LYPLA1: variants seen among roughly 807,000 people sequenced by gnomAD.
LYPLA1 encodes the protein acyl-protein thioesterase 1.
A neutral mutation model predicts 34.0 loss-of-function variants in LYPLA1; 17 were observed. The observed-to-expected ratio is 0.50, with a 90% confidence interval of 0.34 to 0.75. LYPLA1 has a LOEUF of 0.75. LYPLA1 is among the 30% of genes least tolerant of loss of function. The pLI, the probability that LYPLA1 is intolerant of heterozygous loss-of-function variation, is 0.01. For missense variants in LYPLA1, 203 were observed against 288.8 expected (o/e 0.70, Z 2.15); for synonymous variants, 98 against 100.8 (o/e 0.97, Z 0.17).
intron 2 of LYPLA1, among the ~76,000 whole-genome samples, chr8:54,084,133 A>AAAAAAAAAAAAAAATTTTTAT (rs1373090573): frequency 2.2e-4 from 26 of 120,460 alleles, no homozygotes; most frequent in Admixed American, 6.9e-4. Flanking sequence ...AGAAAAAAAA[A>AAAAAAAAAAAAAAATTTTTAT]ATAAATAAAT....
chr8:54,063,202 G>C, intron 4 of LYPLA1, 126 bp downstream of exon 4: 2 of 598,618 alleles, frequency 3.3e-6, no homozygotes. Flanking sequence ...AATGTAAATA[G>C]AGGTTAACTA....
At chr8:54,077,259 CAT>C (rs1319406937) in intron 2 of LYPLA1, among the ~76,000 whole-genome samples, 1 of 152,044 alleles carries the variant, frequency 6.6e-6, no homozygotes, top group Non-Finnish European at 1.5e-5. Context: ...CCAAATACCA[CAT>C]GTTCTCACTT....
chr8:54,092,230 GGAGAAGGAGAAAGAAGGAA>G (rs1262939911), intron 2 of LYPLA1, among the ~76,000 whole-genome samples: 1 of 150,910 alleles, frequency 6.6e-6, no homozygotes, highest in Non-Finnish European at 1.5e-5. Flanking sequence ...AGGAGGAGGA[GGAGAAGGAGAAAGAAGGAA>G]GAGAAGGAGA....
At chr8:54,076,628 G>T (rs1314820932) in intron 2 of LYPLA1, among the ~76,000 whole-genome samples, 1 of 152,192 alleles carries the variant, frequency 6.6e-6, no homozygotes, top group Non-Finnish European at 1.5e-5. Context: ...GCTCACGCTG[G>T]AAGGTTGTGG....
intron 2 of LYPLA1, among the ~76,000 whole-genome samples, chr8:54,089,235 T>C (rs1809025825): frequency 6.6e-6 from 1 of 152,210 alleles, no homozygotes; most frequent in Non-Finnish European, 1.5e-5. Flanking sequence ...AGTACAGTAG[T>C]TCCCCATCAA....
At position 54,088,247 on chromosome 8, in the gene LYPLA1, T is replaced by C. The variant is rs572742600; in HGVS notation, c.101+12661A>G. On this transcript the variant is annotated intron_variant, in intron 2 of 8. Coordinates refer to ENST00000316963, the MANE Select transcript of LYPLA1 (RefSeq NM_006330.4). ...AGATATTTAAGAATGTTAGCACCTG[T>C]CTTCGAATAAATTTTGCTTTTAAGA... Among the ~76,000 whole-genome samples the C allele has an allele frequency of 2.6e-5, 4 of 152,366 alleles. No homozygotes were observed. The South Asian group carries it at 6.2e-4, about 24-fold the overall frequency.
intron 4 of LYPLA1, 82 bp from the exon 5 acceptor site, chr8:54,062,406 T>C: frequency 1.5e-6 from 1 of 659,034 alleles, no homozygotes; most frequent in Non-Finnish European, 2.5e-6. Context: ...CATGGTAGCT[T>C]GGATTAAAAG....
At chr8:54,071,746 A>C (rs949563055) in intron 2 of LYPLA1, among the ~76,000 whole-genome samples, 2 of 152,230 alleles carry the variant, frequency 1.3e-5, no homozygotes, top group African/African-American at 2.4e-5. Context: ...TGACACAAAC[A>C]AGTGGAAATG....
chr8:54,069,381 T>G (rs1807301781), intron 2 of LYPLA1, among the ~76,000 whole-genome samples: 1 of 152,130 alleles, frequency 6.6e-6, no homozygotes, highest in African/African-American at 2.4e-5. Context: ...TGAACAATTA[T>G]GTATCAACTA....
intron 2 of LYPLA1, among the ~76,000 whole-genome samples, chr8:54,091,472 A>G (rs1353003377): frequency 2.0e-5 from 3 of 151,032 alleles, no homozygotes; most frequent in Non-Finnish European, 4.4e-5. Context: ...GGGCAACAAG[A>G]GCAAAACTGT....
At chr8:54,090,636 C>T (rs191755287) in intron 2 of LYPLA1, among the ~76,000 whole-genome samples, 36 of 152,242 alleles carry the variant, frequency 2.4e-4, no homozygotes, top group East Asian at 1.2e-3. Context: ...GTTGGCACCG[C>T]GGGACCAGAA....
chr8:54,058,344 G>C (rs1019718869), intron 5 of LYPLA1, among the ~76,000 whole-genome samples: 1 of 152,176 alleles, frequency 6.6e-6, no homozygotes, highest in African/African-American at 2.4e-5. Context: ...AGGAGTTTGA[G>C]ACCAGCCTGG....
intron 4 of LYPLA1, among the ~76,000 whole-genome samples, chr8:54,062,967 A>C (rs1806770769): frequency 6.6e-6 from 1 of 152,212 alleles, no homozygotes; most frequent in South Asian, 2.1e-4. Flanking sequence ...GAGGGCTGGA[A>C]GGGAAGCGGT....
At chr8:54,055,005 G>A in intron 6 of LYPLA1, 55 bp downstream of exon 6, 1 of 1,056,336 alleles carries the variant, frequency 9.5e-7, no homozygotes, top group Non-Finnish European at 1.5e-6. Context: ...TTAATGCACA[G>A]ACTTCTAAAT....
intron 7 of LYPLA1, among the ~76,000 whole-genome samples, 175 bp from the exon 8 acceptor site, chr8:54,051,363 G>T (rs570867448): frequency 3.9e-4 from 60 of 152,196 alleles, no homozygotes; most frequent in African/African-American, 1.4e-3. Flanking sequence ...ACTTCTATAG[G>T]ATGTATGATC....
chr8:54,091,229 T>C (rs1035645101), intron 2 of LYPLA1, among the ~76,000 whole-genome samples: 1 of 152,094 alleles, frequency 6.6e-6, no homozygotes, highest in Non-Finnish European at 1.5e-5. Context: ...GGCTCATGCC[T>C]GTAATCCCAG....
chr8:54,079,270 A>G lies in LYPLA1; in HGVS notation c.102-13457T>C, dbSNP rs189121678. Among the ~76,000 whole-genome samples the G allele has an allele frequency of 2.9e-4, 44 of 152,304 alleles. 1 individual carries two copies. In the East Asian group the frequency reaches 7.1e-3, roughly 25 times the overall value. Reference sequence around the variant, plus strand: ...GCTGGGATTACAGACCTAAGCCATCACGCCCGTCCAGTTTTCTGTCTGATA... The same window carrying G: ...GCTGGGATTACAGACCTAAGCCATCGCGCCCGTCCAGTTTTCTGTCTGATA... On this transcript the variant is annotated intron_variant, in intron 2 of 8. Coordinates refer to ENST00000316963, the MANE Select transcript of LYPLA1 (RefSeq NM_006330.4).
At chr8:54,063,459 C>T in intron 3 of LYPLA1, 84 bp from the exon 4 acceptor site, 2 of 807,080 alleles carry the variant, frequency 2.5e-6, no homozygotes, top group Non-Finnish European at 4.0e-6. Context: ...CAGATAATTG[C>T]TTGAGACCTA....
chr8:54,062,199 T>C (rs1586098371), intron 5 of LYPLA1, 55 bp downstream of exon 5: 8 of 1,257,084 alleles, frequency 6.4e-6, no homozygotes, highest in African/African-American at 1.5e-5. Flanking sequence ...GATTACTAAA[T>C]CTACTAAAAA....
Sources: allele counts gnomAD v4.1 joint callset (sites outside exome capture counted in the v4.1 genomes callset), GRCh38; gene constraint gnomAD v4.1.1; transcripts MANE v1.5; gene names NCBI Gene and HGNC (gene_info 2026-07-23, HGNC 2026-07-21).